The following CDH12 variants were observed in gnomAD, a reference collection of about 807,000 sequenced individuals.
CDH12 encodes the protein cadherin-12.
In CDH12, 41 loss-of-function variants were observed where a neutral mutation model predicts 74.1. The observed-to-expected ratio is 0.55, with a 90% CI of 0.43 to 0.72. CDH12 has a LOEUF of 0.72. Among genes scored for constraint, CDH12 ranks in the 30% least tolerant of loss-of-function variants. The pLI is 0.00. For synonymous variants in CDH12, 399 were observed against 355.0 expected (o/e 1.12, Z -1.39); for missense variants, 945 against 977.2 (o/e 0.97, Z 0.44).
intron 11 of CDH12, among the ~76,000 whole-genome samples, chr5:21,765,740 G>A (rs1220042413): frequency 1.3e-5 from 2 of 152,070 alleles, no homozygotes; most frequent in Non-Finnish European, 2.9e-5. Context: ...AAGACTGTCA[G>A]TTTGACAAGA....
chr5:22,186,247 A>G (rs1427218822), intron 4 of CDH12, among the ~76,000 whole-genome samples: 4 of 152,224 alleles, frequency 2.6e-5, no homozygotes, highest in Admixed American at 2.6e-4. Flanking sequence ...TAAAAAGTCA[A>G]TAACTATTGT....
chr5:22,552,867 G>C (rs1738638058), intron 1 of CDH12, among the ~76,000 whole-genome samples: 1 of 152,102 alleles, frequency 6.6e-6, no homozygotes, highest in Admixed American at 6.6e-5. Context: ...TTATATGAGA[G>C]AGAAAGAGAA....
At chr5:22,639,129 G>A (rs933862774) in intron 1 of CDH12, 1 of 143,516 alleles carries the variant, frequency 7.0e-6, no homozygotes, top group Non-Finnish European at 1.5e-5. Context: ...AATTGCCAGT[G>A]AACTGAATAG....
At chr5:22,274,823 T>C (rs1255886226) in intron 3 of CDH12, among the ~76,000 whole-genome samples, 3 of 152,258 alleles carry the variant, frequency 2.0e-5, no homozygotes, top group Non-Finnish European at 2.9e-5. Context: ...AGTAATATTT[T>C]AAAAGTTATA....
intron 2 of CDH12, among the ~76,000 whole-genome samples, chr5:22,428,386 T>C (rs1232033677): frequency 6.6e-6 from 1 of 152,116 alleles, no homozygotes; most frequent in South Asian, 2.1e-4. Context: ...AATATACACA[T>C]GATAAATGGT....
At chr5:22,582,956 AC>A (rs1046347749) in intron 1 of CDH12, among the ~76,000 whole-genome samples, 20 of 152,158 alleles carry the variant, frequency 1.3e-4, no homozygotes, top group African/African-American at 4.3e-4. Context: ...AGGCAATGAA[AC>A]CCCTGCTGCT....
chr5:22,244,410 G>T lies in CDH12; in HGVS notation c.-332-31767C>A, dbSNP rs574158676. 4.2e-5 allele frequency among the ~76,000 whole-genome samples: 6 copies of T among 144,542 alleles called. No homozygotes were observed. In the South Asian group the frequency reaches 8.8e-4, roughly 21 times the overall value. The allele number at this position is 144,542 out of a possible 152,430, so 94.8% of individuals were successfully genotyped here. On this transcript the variant is annotated intron_variant, in intron 3 of 14. Transcript: ENST00000382254. ...CTAGGGAGGATGAGGCACAATAATC[G>T]CTTGAACCCAGGAGGCGGAGGTTGC...
At chr5:22,117,551 G>A (rs566114058) in intron 4 of CDH12, among the ~76,000 whole-genome samples, 22 of 114,312 alleles carry the variant, frequency 1.9e-4, no homozygotes, top group Non-Finnish European at 3.1e-4. Context: ...TAGTGTGTGC[G>A]TGTGTGTTTG....
chr5:21,882,619 G>A lies in CDH12; in HGVS notation c.527-27829C>T, dbSNP rs1399945526. The stretch of plus-strand genomic sequence containing the variant: ...GGTTACCCACAGTCTTTCGCCAGAT[G>A]AGACCAGTGTCCAGGGTACTGGCTC... On this transcript the variant is annotated intron_variant, in intron 6 of 14. Coordinates refer to ENST00000382254, the MANE Select transcript of CDH12 (RefSeq NM_004061.5). The A allele has an allele frequency of 4.4e-6, 7 of 1,605,718 alleles. No homozygotes were observed. In the Admixed American group the frequency reaches 5.0e-5, roughly 11 times the overall value.
chr5:22,364,416 A>G (rs952738042), intron 3 of CDH12, among the ~76,000 whole-genome samples: 25 of 152,180 alleles, frequency 1.6e-4, no homozygotes, highest in Non-Finnish European at 5.9e-5. Flanking sequence ...AATTGTGTGT[A>G]TCTCCTGGAA....
chr5:22,136,451 C>A (rs1013021057), intron 4 of CDH12, among the ~76,000 whole-genome samples: 6 of 151,922 alleles, frequency 3.9e-5, no homozygotes, highest in Non-Finnish European at 7.4e-5. Context: ...CATGGGGTAG[C>A]GTGCATCAAA....
chr5:22,151,820 A>G (rs1048169312), intron 4 of CDH12: 21 of 152,200 alleles, frequency 1.4e-4, no homozygotes, highest in Non-Finnish European at 2.8e-4. Flanking sequence ...TCTTTTACTC[A>G]CATAAAAAGA....
At position 22,750,362 on chromosome 5, in the gene CDH12, G is replaced by A. The variant is rs569097129; in HGVS notation, c.-523+102696C>T. Among the ~76,000 whole-genome samples, 10 of 152,212 alleles carry A rather than the reference G, an allele frequency of 6.6e-5. No homozygotes were observed. The South Asian group carries it at 1.9e-3, about 28-fold the overall frequency. ...AAGCCATTTGCAGTCCATAAACCTT[G>A]GGTGTAACTTCATCTATTTTCTGTC... On this transcript the variant is annotated intron_variant, in intron 1 of 14. Coordinates refer to ENST00000382254, the MANE Select transcript of CDH12 (RefSeq NM_004061.5).
intron 9 of CDH12, among the ~76,000 whole-genome samples, chr5:21,814,612 CTA>C (rs1348632421): frequency 6.6e-6 from 1 of 150,422 alleles, no homozygotes; most frequent in Non-Finnish European, 1.5e-5. Flanking sequence ...AAACATAAAA[CTA>C]TGTGTGTGAA....
At chr5:21,772,737 T>C (rs929870654) in intron 11 of CDH12, among the ~76,000 whole-genome samples, 2 of 152,174 alleles carry the variant, frequency 1.3e-5, no homozygotes, top group Admixed American at 1.3e-4. Flanking sequence ...CATTTTCTAA[T>C]TGTGAATTCT....
intron 3 of CDH12, among the ~76,000 whole-genome samples, chr5:22,370,678 G>A (rs1741249437): frequency 6.6e-6 from 1 of 152,064 alleles, no homozygotes; most frequent in Non-Finnish European, 1.5e-5. Flanking sequence ...CAAGATTACA[G>A]AATCAAAGGA....
chr5:22,002,950 G>A (rs1443475862), intron 5 of CDH12, among the ~76,000 whole-genome samples: 2 of 151,970 alleles, frequency 1.3e-5, no homozygotes, highest in African/African-American at 2.4e-5. Flanking sequence ...ATTCTATTTT[G>A]AGCATTATAA....
chr5:22,399,489 A>G (rs1163281593), intron 3 of CDH12, among the ~76,000 whole-genome samples: 1 of 152,176 alleles, frequency 6.6e-6, no homozygotes, highest in African/African-American at 2.4e-5. Flanking sequence ...AAAGCTTTTC[A>G]GCCTCTTAAA....
chr5:22,323,980 A>T (rs1738987212), intron 3 of CDH12, among the ~76,000 whole-genome samples: 1 of 152,186 alleles, frequency 6.6e-6, no homozygotes. Context: ...GAAAGAAATT[A>T]TCTTAATAAT....
Sources: allele counts gnomAD v4.1 joint callset (sites outside exome capture counted in the v4.1 genomes callset), GRCh38; gene constraint gnomAD v4.1.1; transcripts MANE v1.5; gene names NCBI Gene and HGNC (gene_info 2026-07-23, HGNC 2026-07-21).